Variants in ADAMTS1 observed in about 807,000 individuals in gnomAD.
ADAMTS1 encodes the protein ADAM metallopeptidase with thrombospondin type 1 motif 1.
In ADAMTS1, 19 loss-of-function variants were observed where a neutral mutation model predicts 87.9. The ratio of observed to expected loss-of-function variants is 0.22; its 90% CI spans 0.15 to 0.32. ADAMTS1 has a LOEUF of 0.32. ADAMTS1 is among the 10% of genes least tolerant of loss of function. The pLI is 1.00. For missense variants in ADAMTS1, 1,240 were observed against 1,259.1 expected, an observed-to-expected ratio of 0.98 and a Z score of 0.23; for synonymous variants, 542 against 501.8, an observed-to-expected ratio of 1.08 and a Z score of -1.07.
In ADAMTS1 at chr21:26,844,990, G is replaced by A. The variant is rs899706182; in HGVS notation, c.-36C>T. On this transcript the variant is annotated 5_prime_UTR_variant, in exon 1 of 9. Coordinates refer to ENST00000284984, the MANE Select transcript of ADAMTS1 (RefSeq NM_006988.5). ...GGAGACACCGCTCGTAGCAGCGCAC[G>A]GAGCGAGGGACCTTTAGTTCGGGTC... 7.4e-6 allele frequency: 11 copies of A among 1,489,688 alleles called. No homozygotes were observed. The highest frequency in any genetic ancestry group is 2.3e-5 in the Admixed American group (1 of 43,576). The allele number at this position is 1,489,688 out of a possible 1,614,324, so 92.3% of individuals were successfully genotyped here.
chr21:26,842,029 G>A (rs56268845), intron 2 of ADAMTS1, 39 bp from the exon 3 acceptor site: 3 of 1,601,328 alleles, frequency 1.9e-6, no homozygotes, highest in African/African-American at 2.7e-5. Flanking sequence ...AATAAGGGGA[G>A]CATGACCCTT....
chr21:26,844,154 G>A, intron 1 of ADAMTS1, 71 bp downstream of exon 1: 1 of 1,493,048 alleles, frequency 6.7e-7, no homozygotes, highest in Non-Finnish European at 8.9e-7. Context: ...AGTCTACCCT[G>A]AAGTCGCGTG....
Position 26,844,336 on chromosome 21 carries a change from G to T in ADAMTS1, c.619C>A (p.Pro207Thr), listed in dbSNP as rs1448425769. Reference protein sequence around the residue: ...TCGVVDDEPRPTGKAETEDED... With the variant: ...TCGVVDDEPRTTGKAETEDED... ...TCTTCGGTCTCCGCTTTCCCAGTCG[G>T]CCGGGGCTCGTCGTCCACGACCCCG... The change falls in exon 1 of 9, where the codon CCG (proline) becomes ACG (threonine). Residue 207 changes from proline (P) to threonine (T), a missense_variant. Coordinates refer to ENST00000284984, the MANE Select transcript of ADAMTS1 (RefSeq NM_006988.5). 5 of 1,605,676 alleles carry T rather than the reference G, an allele frequency of 3.1e-6. No individual in the cohort carries two copies. Among genetic ancestry groups the T allele is most frequent in the Non-Finnish European group, 4.2e-6 (5 of 1,177,880 alleles).
rs563765187 is a variant in ADAMTS1, at chr21:26,838,061, A to G, written c.2422T>C (p.Leu808=). 5.9e-5 allele frequency: 95 copies of G among 1,614,048 alleles called. No individual in the cohort carries two copies. Among genetic ancestry groups the G allele is most frequent in the Non-Finnish European group, 7.9e-5 (93 of 1,180,036 alleles). Residue 808 remains leucine (L), a synonymous_variant, in exon 9 of 9, where the codon TTG becomes CTG. Coordinates refer to ENST00000284984, the MANE Select transcript of ADAMTS1 (RefSeq NM_006988.5). The part of the protein sequence containing the change: ...VLRYSGSSAA[L]ERIRSFSPLK... ...GGGCTAAAGCTGCGAATTCTTTCCAATGCCGCAGAGGAGCCGCTGTACCTC... is the reference window on the plus strand; with the variant it reads ...GGGCTAAAGCTGCGAATTCTTTCCAGTGCCGCAGAGGAGCCGCTGTACCTC...
At chr21:26,841,336 G>A (rs1307502431) in intron 3 of ADAMTS1, 171 bp from the exon 4 acceptor site, 5 of 619,880 alleles carry the variant, frequency 8.1e-6, no homozygotes, top group African/African-American at 3.7e-5. Flanking sequence ...AAAATTAGCC[G>A]GGTGTGGTGG....
intron 3 of ADAMTS1, chr21:26,841,482 A>C (rs1269270482): frequency 4.0e-6 from 1 of 253,080 alleles, no homozygotes; most frequent in Non-Finnish European, 7.5e-6. Flanking sequence ...CCATCTCAAA[A>C]AAAATAATAA....
rs780601963 is a variant in ADAMTS1, at chr21:26,837,839, G to A, written c.2644C>T (p.Arg882Ter). Residue 882 changes from arginine to a stop codon, truncating the protein, a stop_gained, in exon 9 of 9, where the codon CGA (arginine) becomes TGA (stop). Coordinates refer to ENST00000284984, the MANE Select transcript of ADAMTS1 (RefSeq NM_006988.5). LOFTEE classifies it high-confidence loss of function. ...LGWQRRLVECRDINGQPASEC... is the reference protein window; with the variant it reads ...LGWQRRLVEC ...GAAGCAGGCTGTCCATTAATGTCTC[G>A]GCATTCTACCAGTCTTCTCTGCCAA... The A allele has an allele frequency of 4.3e-6, 7 of 1,613,992 alleles. No individual in the cohort carries two copies. Among genetic ancestry groups the A allele is most frequent in the African/African-American group, 2.7e-5 (2 of 74,884 alleles).
In ADAMTS1 at chr21:26,838,447, A is replaced by G. The variant is rs149681473; in HGVS notation, c.2196T>C (p.Thr732=). Residue 732 remains threonine (T), a synonymous_variant, in exon 8 of 9, where the codon ACT becomes ACC. Transcript: ENST00000284984. ...GGTGTTTTAAAACTTACTTTGCACT[A>G]GTAACTGATCCTGATATTTTTTTAC... ...STCKKISGSV[T]SAKPGYHDII... The G allele has an allele frequency of 1.2e-5, 19 of 1,614,210 alleles. No individual in the cohort carries two copies. In the African/African-American group the frequency reaches 1.3e-4, roughly 11 times the overall value.
intron 8 of ADAMTS1, 29 bp from the exon 9 acceptor site, chr21:26,838,307 T>C (rs1440901834): frequency 2.5e-6 from 4 of 1,580,280 alleles, no homozygotes; most frequent in Non-Finnish European, 3.4e-6. Flanking sequence ...GGCATAAATC[T>C]CTGATTCATT....
At position 26,837,504 on chromosome 21, in the gene ADAMTS1, C is replaced by G; in HGVS notation, c.*75G>C. On this transcript the variant is annotated 3_prime_UTR_variant, in exon 9 of 9. Transcript: ENST00000284984. ...TACTGGCAAGATACGCTGGATCCCT[C>G]CAGCCTTCTTGCTTTCCCTGCACCA... 1 of 1,361,192 alleles carries G rather than the reference C, an allele frequency of 7.3e-7. No individual in the cohort carries two copies. Among genetic ancestry groups the G allele is most frequent in the South Asian group, 1.3e-5 (1 of 78,014 alleles). The allele number at this position is 1,361,192 out of a possible 1,614,324, so 84.3% of individuals were successfully genotyped here.
intron 3 of ADAMTS1, 85 bp from the exon 4 acceptor site, chr21:26,841,250 G>A (rs1171340228): frequency 1.1e-5 from 16 of 1,455,248 alleles, no homozygotes; most frequent in East Asian, 4.6e-5. Context: ...AAGCCGAGGC[G>A]GGTGGATCAC....
At position 26,837,467 on chromosome 21, in the gene ADAMTS1, C is replaced by A. The variant is rs1212803221; in HGVS notation, c.*112G>T. ...CCCCCATAATCCCACCTTACTGATA[C>A]ACCTCACTGGTTACTGGCAAGATAC... is the stretch of plus-strand genomic sequence containing the variant. On this transcript the variant is annotated 3_prime_UTR_variant, in exon 9 of 9. Transcript: ENST00000284984. 1 of 894,436 alleles carries A rather than the reference C, an allele frequency of 1.1e-6. No individual in the cohort carries two copies. Among genetic ancestry groups the A allele is most frequent in the East Asian group, 2.5e-5 (1 of 39,216 alleles). 55.4% of individuals were successfully genotyped at this position (894,436 alleles called of 1,614,324 possible).
chr21:26,844,828 G>T lies in ADAMTS1; in HGVS notation c.127C>A (p.Leu43Ile). The change falls in exon 1 of 9, where the codon CTA (leucine) becomes ATA (isoleucine). Residue 43 changes from leucine to isoleucine, a missense_variant. Leu to Ile is a conservative substitution (Grantham distance 5, BLOSUM62 2). This residue lies in a region of ADAMTS1 where 521 missense variants were observed against 449.7 expected (regional missense o/e 1.16). Transcript: ENST00000284984. ...CCGAGTGCGTCCGACACGGCCAGTA[G>T]CGCCGCGGCGAGCAGCAGCAGCGTG... ...VPTLLLLAAALLAVSDALGRP... is the reference protein window; with the variant it reads ...VPTLLLLAAAILAVSDALGRP... 1.3e-6 allele frequency: 2 copies of T among 1,552,036 alleles called. No individual in the cohort carries two copies. Among genetic ancestry groups the T allele is most frequent in the Non-Finnish European group, 1.7e-6 (2 of 1,148,946 alleles).
At chr21:26,840,680 T>C (rs1253071691) in intron 4 of ADAMTS1, 118 bp from the exon 5 acceptor site, 1 of 1,202,108 alleles carries the variant, frequency 8.3e-7, no homozygotes, top group Non-Finnish European at 1.2e-6. Context: ...ATCTGAAAAC[T>C]GTAAAGCTGG....
intron 1 of ADAMTS1, chr21:26,843,152 G>A (rs2123321032): frequency 3.6e-6 from 1 of 277,840 alleles, no homozygotes; most frequent in Non-Finnish European, 7.0e-6. Flanking sequence ...AGGAATCTCA[G>A]ACTGCACAGC....
Position 26,837,507 on chromosome 21 carries a change from G to T in ADAMTS1, c.*72C>A. The T allele has an allele frequency of 2.9e-6, 4 of 1,373,170 alleles. No individual in the cohort carries two copies. Among genetic ancestry groups the T allele is most frequent in the Non-Finnish European group, 4.1e-6 (4 of 977,456 alleles). The allele number at this position is 1,373,170 out of a possible 1,614,324, so 85.1% of individuals were successfully genotyped here. The stretch of plus-strand genomic sequence containing the variant: ...TGGCAAGATACGCTGGATCCCTCCA[G>T]CCTTCTTGCTTTCCCTGCACCAGCC... On this transcript the variant is annotated 3_prime_UTR_variant, in exon 9 of 9. Coordinates refer to ENST00000284984, the MANE Select transcript of ADAMTS1 (RefSeq NM_006988.5).
rs1421959981 is a variant in ADAMTS1, at chr21:26,839,659, G to C, written c.1956C>G (p.Val652=). The change falls in exon 7 of 9, where the codon GTC becomes GTG. Residue 652 remains valine, a synonymous_variant. Transcript: ENST00000284984. ...TGAGCTTGCACCTGTCCTTTGGTGA[G>C]ACGCCAGCGTACTTGGGAATCCATT... ...AVEWIPKYAG[V]SPKDRCKLIC... is the part of the protein sequence containing the mutation. 6.2e-6 allele frequency: 10 copies of C among 1,613,778 alleles called. No individual in the cohort carries two copies. The highest frequency in any genetic ancestry group is 7.6e-6 in the Non-Finnish European group (9 of 1,179,698).
intron 1 of ADAMTS1, 77 bp from the exon 2 acceptor site, chr21:26,842,762 C>A (rs2123320632): frequency 7.7e-7 from 1 of 1,291,854 alleles, no homozygotes; most frequent in Non-Finnish European, 1.1e-6. Flanking sequence ...ATTAGGAAAG[C>A]CTAACCAGTC....
chr21:26,843,418 A>C, intron 1 of ADAMTS1: 1 of 462,622 alleles, frequency 2.2e-6, no homozygotes, highest in Non-Finnish European at 4.5e-6. Context: ...AAAGGGGAGA[A>C]TTCTTTAAAA....
Sources: allele counts gnomAD v4.1 joint callset, GRCh38; gene constraint gnomAD v4.1.1; regional missense constraint gnomAD v4.1.1; transcripts MANE v1.5; gene names NCBI Gene and HGNC (gene_info 2026-07-23, HGNC 2026-07-21).